BRIP1: variants seen among roughly 807,000 people sequenced by gnomAD.
The protein encoded by BRIP1 is BRCA1 interacting DNA helicase 1.
In BRIP1, 88 loss-of-function variants were observed where a neutral mutation model predicts 119.7. That is an observed-to-expected ratio of 0.74 (90% confidence interval 0.62 to 0.88). BRIP1 has a LOEUF of 0.88. BRIP1 is among the 40% of genes least tolerant of loss of function. The probability of loss-of-function intolerance (pLI) is 0.00; values close to 1 mark genes in which losing one functional copy is unlikely to be tolerated. For missense variants in BRIP1, 1,259 were observed against 1,455.4 expected, an observed-to-expected ratio of 0.87 and a Z score of 2.20; for synonymous variants, 443 against 496.5, an observed-to-expected ratio of 0.89 and a Z score of 1.43.
chr17:61,792,616 AAAC>A (rs1165125077), intron 10 of BRIP1, among the ~76,000 whole-genome samples: 1 of 152,156 alleles, frequency 6.6e-6, no homozygotes, highest in Non-Finnish European at 1.5e-5. Flanking sequence ...AGAAAAGGCA[AAAC>A]AATGGAGTTA....
rs1452594733 is a variant in BRIP1, at chr17:61,856,070, G to A, written c.379+988C>T. Among the ~76,000 whole-genome samples, 1 of 152,174 alleles carries A rather than the reference G, an allele frequency of 6.6e-6. No homozygotes were observed. Among genetic ancestry groups the A allele is most frequent in the Non-Finnish European group, 1.5e-5 (1 of 68,036 alleles). On this transcript the variant is annotated intron_variant, in intron 4 of 19. Coordinates refer to ENST00000259008, the MANE Select transcript of BRIP1 (RefSeq NM_032043.3). This position sits in a 1 kb window ranked among gnomAD's most constrained non-coding sequence, Gnocchi z 5.1. ...CAGAAGAGACACTAATAGAAGCAAA[G>A]GCTCTGAGGAAGGAGAAAGCATAAA... is the stretch of plus-strand genomic sequence containing the variant.
rs1484864726 is a variant in BRIP1 at position 61,786,777 on chromosome 17, TA to T, written c.1474-2354del. Among the ~76,000 whole-genome samples, 5 of 133,732 alleles carry T rather than the reference TA, an allele frequency of 3.7e-5. No homozygotes were observed. In the East Asian group the frequency reaches 1.0e-3, roughly 28 times the overall value. The allele number at this position is 133,732 out of a possible 152,430, so 87.7% of individuals were successfully genotyped here. Reference sequence around the variant, plus strand: ...TTATATATTTTATATATTATATATTTATATATAATATAGTATATATTATATA... The same window carrying T: ...TTATATATTTTATATATTATATATTTTATATAATATAGTATATATTATATA... On this transcript the variant is annotated intron_variant, in intron 10 of 19. Transcript: ENST00000259008.
chr17:61,697,329 T>G (rs1401754236), intron 17 of BRIP1, among the ~76,000 whole-genome samples: 2 of 93,942 alleles, frequency 2.1e-5, no homozygotes, highest in East Asian at 6.1e-4. Flanking sequence ...AGTGTGAGAC[T>G]CTGTCTCAAA....
chr17:61,782,254 C>T (rs147197877), intron 11 of BRIP1, among the ~76,000 whole-genome samples: 27 of 151,628 alleles, frequency 1.8e-4, no homozygotes, highest in African/African-American at 3.6e-4. Context: ...GGCTTAGTGG[C>T]GGGCGCCTGT....
intron 14 of BRIP1, among the ~76,000 whole-genome samples, chr17:61,766,145 C>T (rs1174094590): frequency 2.0e-5 from 3 of 152,050 alleles, no homozygotes; most frequent in Non-Finnish European, 2.9e-5. Context: ...AATACTATTA[C>T]GAGGATAGCA....
Position 61,722,318 on chromosome 17 carries a change from G to A in BRIP1, c.2380-6255C>T, listed in dbSNP as rs1004280174. On this transcript the variant is annotated intron_variant, in intron 16 of 19. Transcript: ENST00000259008. This position sits in a 1 kb window ranked among gnomAD's most constrained non-coding sequence, Gnocchi z 4.6. ...GGCTTCCCAAAGGGCTGAGATTACAGGCATGGAGCCACTGCCCCCAGCCCA... is the reference window on the plus strand; with the variant it reads ...GGCTTCCCAAAGGGCTGAGATTACAAGCATGGAGCCACTGCCCCCAGCCCA... Among the ~76,000 whole-genome samples, 2 of 152,218 alleles carry A rather than the reference G, an allele frequency of 1.3e-5. No homozygotes were observed. The highest frequency in any genetic ancestry group is 3.4e-3 in the Middle Eastern group (1 of 294).
chr17:61,848,881 A>G lies in BRIP1; in HGVS notation c.507+248T>C, dbSNP rs902226572. On this transcript the variant is annotated intron_variant, in intron 5 of 19. Coordinates refer to ENST00000259008, the MANE Select transcript of BRIP1 (RefSeq NM_032043.3). The surrounding 1 kb of genome is among the most constrained non-coding windows in gnomAD (Gnocchi z 4.3). The stretch of plus-strand genomic sequence containing the variant: ...AAGATATGCCTTAAGTAAATATTTT[A>G]CTATCAAATTCCTCATATATAAGAA... Among the ~76,000 whole-genome samples, 4 of 152,220 alleles carry G rather than the reference A, an allele frequency of 2.6e-5. No homozygotes were observed. Among genetic ancestry groups the G allele is most frequent in the African/African-American group, 9.6e-5 (4 of 41,464 alleles).
At position 61,701,228 on chromosome 17, in the gene BRIP1, A is replaced by C. The variant is rs1453470930; in HGVS notation, c.2493-7716T>G. ...TTGTTATGTGTCATGATTTTTGTTG[A>C]AAACAGTACATTTTAAATAATATAA... On this transcript the variant is annotated intron_variant, in intron 17 of 19. Coordinates refer to ENST00000259008, the MANE Select transcript of BRIP1 (RefSeq NM_032043.3). The surrounding 1 kb of genome is among the most constrained non-coding windows in gnomAD (Gnocchi z 5.1). Among the ~76,000 whole-genome samples the C allele has an allele frequency of 6.6e-6, 1 of 152,172 alleles. No individual in the cohort carries two copies. The highest frequency in any genetic ancestry group is 2.1e-4 in the South Asian group (1 of 4,832).
At position 61,861,275 on chromosome 17, in the gene BRIP1, T is replaced by C. The variant is rs549288624; in HGVS notation, c.93+172A>G. Among the ~76,000 whole-genome samples, 10 of 152,320 alleles carry C rather than the reference T, an allele frequency of 6.6e-5. No individual in the cohort carries two copies. Among genetic ancestry groups the C allele is most frequent in the African/African-American group, 2.4e-4 (10 of 41,578 alleles). On this transcript the variant is annotated intron_variant, in intron 2 of 19. Coordinates refer to ENST00000259008, the MANE Select transcript of BRIP1 (RefSeq NM_032043.3). The surrounding 1 kb of genome is among the most constrained non-coding windows in gnomAD (Gnocchi z 4.5). ...TTCTTCTTTGCCTTAACCACAGATA[T>C]ATACAGTTTAGCTGCAATCAGTAGT...
In BRIP1 at chr17:61,734,441, G is replaced by T. The variant is rs2076891187; in HGVS notation, c.2379+8572C>A. 6.6e-6 allele frequency among the ~76,000 whole-genome samples: 1 copy of T among 152,106 alleles called. No homozygotes were observed. Among genetic ancestry groups the T allele is most frequent in the Non-Finnish European group, 1.5e-5 (1 of 68,008 alleles). The stretch of plus-strand genomic sequence containing the variant: ...AGTATATCCTTATGAATGATCAGAA[G>T]CATCTGGGAAAGGTGGAAGTGAAAA... On this transcript the variant is annotated intron_variant, in intron 16 of 19. Coordinates refer to ENST00000259008, the MANE Select transcript of BRIP1 (RefSeq NM_032043.3). The surrounding 1 kb of genome is among the most constrained non-coding windows in gnomAD (Gnocchi z 5.2).
In BRIP1 at chr17:61,860,420, G is replaced by A. The variant is rs2078958243; in HGVS notation, c.94-513C>T. Among the ~76,000 whole-genome samples the A allele has an allele frequency of 6.6e-6, 1 of 152,116 alleles. No individual in the cohort carries two copies. The highest frequency in any genetic ancestry group is 2.1e-4 in the South Asian group (1 of 4,824). ...CACGCTTGTAATCCCATCACTTTGGGAGGCCAAGGCAGGTGGATCATTTGA... is the reference window on the plus strand; with the variant it reads ...CACGCTTGTAATCCCATCACTTTGGAAGGCCAAGGCAGGTGGATCATTTGA... On this transcript the variant is annotated intron_variant, in intron 2 of 19. Transcript: ENST00000259008. This position sits in a 1 kb window ranked among gnomAD's most constrained non-coding sequence, Gnocchi z 4.1.
In BRIP1 at chr17:61,802,003, A is replaced by T. The variant is rs2078003871; in HGVS notation, c.919-529T>A. ...AGGTTGGAATGTCCTAAGGGGAAAA[A>T]AAGAAAGTAAGAGTATTCACTACAA... On this transcript the variant is annotated intron_variant, in intron 7 of 19. Transcript: ENST00000259008. The surrounding 1 kb of genome is among the most constrained non-coding windows in gnomAD (Gnocchi z 6.0). Among the ~76,000 whole-genome samples the T allele has an allele frequency of 6.6e-6, 1 of 152,206 alleles. No individual in the cohort carries two copies. The highest frequency in any genetic ancestry group is 2.4e-5 in the African/African-American group (1 of 41,458).
rs1336538909 is a variant in BRIP1 at position 61,687,449 on chromosome 17, CTT to C, written c.2576-1286_2576-1285del. 6.6e-6 allele frequency among the ~76,000 whole-genome samples: 1 copy of C among 152,066 alleles called. No homozygotes were observed. The highest frequency in any genetic ancestry group is 1.5e-5 in the Non-Finnish European group (1 of 68,014). The stretch of plus-strand genomic sequence containing the variant: ...ACTGTTTGACCTATGCTACTGCACA[CTT>C]TACGTGGAAAGGGAAGATAAAACAA... On this transcript the variant is annotated intron_variant, in intron 18 of 19. Coordinates refer to ENST00000259008, the MANE Select transcript of BRIP1 (RefSeq NM_032043.3). The surrounding 1 kb of genome is among the most constrained non-coding windows in gnomAD (Gnocchi z 5.1).
In BRIP1 at chr17:61,740,059, A is replaced by G. The variant is rs2076966776; in HGVS notation, c.2379+2954T>C. 6.6e-6 allele frequency among the ~76,000 whole-genome samples: 1 copy of G among 152,172 alleles called. No homozygotes were observed. Among genetic ancestry groups the G allele is most frequent in the South Asian group, 2.1e-4 (1 of 4,826 alleles). ...AAACAGCACAAGACAGTAATTCTGG[A>G]GCTAAGTGGAATTCATTAGGTGAAC... On this transcript the variant is annotated intron_variant, in intron 16 of 19. Coordinates refer to ENST00000259008, the MANE Select transcript of BRIP1 (RefSeq NM_032043.3). This position sits in a 1 kb window ranked among gnomAD's most constrained non-coding sequence, Gnocchi z 5.4.
Position 61,860,685 on chromosome 17 carries a change from C to T in BRIP1, c.93+762G>A, listed in dbSNP as rs1020592598. Among the ~76,000 whole-genome samples the T allele has an allele frequency of 1.3e-5, 2 of 151,984 alleles. No homozygotes were observed. Among genetic ancestry groups the T allele is most frequent in the Admixed American group, 6.6e-5 (1 of 15,250 alleles). On this transcript the variant is annotated intron_variant, in intron 2 of 19. Coordinates refer to ENST00000259008, the MANE Select transcript of BRIP1 (RefSeq NM_032043.3). The surrounding 1 kb of genome is among the most constrained non-coding windows in gnomAD (Gnocchi z 4.1). ...AAAAACAAAAAGAAAAAAGGAAGTT[C>T]ACAGCAGCATTGTTTGTAACTGCAA...
In BRIP1 at chr17:61,823,265, T is replaced by C. The variant is rs971924073; in HGVS notation, c.628-14508A>G. 2.6e-5 allele frequency among the ~76,000 whole-genome samples: 4 copies of C among 152,242 alleles called. No homozygotes were observed. The highest frequency in any genetic ancestry group is 9.6e-5 in the African/African-American group (4 of 41,462). On this transcript the variant is annotated intron_variant, in intron 6 of 19. Transcript: ENST00000259008. This position sits in a 1 kb window ranked among gnomAD's most constrained non-coding sequence, Gnocchi z 4.8. Reference sequence around the variant, plus strand: ...ACAATAAATGTCCTTAAAAATATGATTGTATGGCCTTCTGCTTTTAGCCAT... The same window carrying C: ...ACAATAAATGTCCTTAAAAATATGACTGTATGGCCTTCTGCTTTTAGCCAT...
In BRIP1 at chr17:61,729,214, G is replaced by A. The variant is rs1215169412; in HGVS notation, c.2380-13151C>T. Among the ~76,000 whole-genome samples, 3 of 152,094 alleles carry A rather than the reference G, an allele frequency of 2.0e-5. No individual in the cohort carries two copies. The highest frequency in any genetic ancestry group is 7.2e-5 in the African/African-American group (3 of 41,398). On this transcript the variant is annotated intron_variant, in intron 16 of 19. Coordinates refer to ENST00000259008, the MANE Select transcript of BRIP1 (RefSeq NM_032043.3). The surrounding 1 kb of genome is among the most constrained non-coding windows in gnomAD (Gnocchi z 5.6). ...GGATCGCTTGAGCCTGGGAGGTGGA[G>A]GTTGTGGTGAGCCAAGATCACGCCA...
At position 61,760,948 on chromosome 17, in the gene BRIP1, A is replaced by T. The variant is rs968596512; in HGVS notation, c.2097+15453T>A. Among the ~76,000 whole-genome samples, 1 of 152,056 alleles carries T rather than the reference A, an allele frequency of 6.6e-6. No individual in the cohort carries two copies. Among genetic ancestry groups the T allele is most frequent in the Non-Finnish European group, 1.5e-5 (1 of 67,914 alleles). On this transcript the variant is annotated intron_variant, in intron 14 of 19. Transcript: ENST00000259008. The surrounding 1 kb of genome is among the most constrained non-coding windows in gnomAD (Gnocchi z 4.6). ...GATACCAAGGCCAGATAAGGACAAT[A>T]CAAGAAAAGAAAACTGTAGGCCAAT...
intron 16 of BRIP1, among the ~76,000 whole-genome samples, chr17:61,721,886 TTTTGTTTG>T (rs200725187): frequency 2.0e-5 from 3 of 147,146 alleles, no homozygotes; most frequent in Non-Finnish European, 1.5e-5. Flanking sequence ...TATATATATT[TTTTGTTTG>T]TTTGTTTGTT....
Sources: gnomAD v4.1 joint callset for allele counts (sites outside exome capture counted in the v4.1 genomes callset) on GRCh38, gnomAD v4.1.1 for gene constraint, Gnocchi (gnomAD v3.1) non-coding constraint, MANE v1.5 for transcripts, NCBI Gene and HGNC (gene_info 2026-07-23, HGNC 2026-07-21) for gene names.